HOOK3: variants seen among roughly 807,000 people sequenced by gnomAD.
HOOK3 encodes the protein hook microtubule tethering protein 3, also known as protein Hook homolog 3.
In HOOK3, 24 loss-of-function variants were observed where a neutral mutation model predicts 116.3. The observed-to-expected ratio is 0.21, with a 90% CI of 0.15 to 0.29. HOOK3 has a LOEUF of 0.29. Among genes scored for constraint, HOOK3 ranks in the 10% least tolerant of loss-of-function variants. The pLI is 1.00. For missense variants in HOOK3, 632 were observed against 830.2 expected, an observed-to-expected ratio of 0.76 and a Z score of 2.93; for synonymous variants, 275 against 283.0, an observed-to-expected ratio of 0.97 and a Z score of 0.28.
intron 14 of HOOK3, among the ~76,000 whole-genome samples, chr8:42,983,166 C>T (rs948970863): frequency 1.3e-5 from 2 of 152,004 alleles, no homozygotes; most frequent in East Asian, 1.9e-4. Context: ...AACCCTGTCT[C>T]TACAAAAAAT....
chr8:43,015,850 TG>T, intron 21 of HOOK3, among the ~76,000 whole-genome samples: 1 of 151,958 alleles, frequency 6.6e-6, no homozygotes, highest in Non-Finnish European at 1.5e-5. Context: ...CCCGAGTAAC[TG>T]GGGTTACAGG....
intron 2 of HOOK3, among the ~76,000 whole-genome samples, chr8:42,919,482 C>T (rs1420476472): frequency 2.0e-5 from 3 of 151,578 alleles, no homozygotes; most frequent in Admixed American, 6.6e-5. Context: ...CAGAGGGGCT[C>T]CTCACATCCC....
At chr8:42,909,299 G>C (rs1807376886) in intron 2 of HOOK3, among the ~76,000 whole-genome samples, 1 of 152,202 alleles carries the variant, frequency 6.6e-6, no homozygotes, top group Non-Finnish European at 1.5e-5. Context: ...TGTGTATATA[G>C]CCAAAGGATT....
rs1563316931 is a variant in HOOK3 at position 43,022,087 on chromosome 8, A to T, written c.*3589A>T. ...TTTAAAAACAAAACAGGCTGTTGTA[A>T]AAAAAAAAAAAAAAAAAACTTCTGA... is the stretch of plus-strand genomic sequence containing the variant. On this transcript the variant is annotated 3_prime_UTR_variant, in exon 22 of 22. Transcript: ENST00000307602. 6.1e-6 allele frequency: 1 copy of T among 163,148 alleles called. No homozygotes were observed. The highest frequency in any genetic ancestry group is 1.3e-5 in the Non-Finnish European group (1 of 76,950). 10.1% of individuals were successfully genotyped at this position (163,148 alleles called of 1,614,324 possible). A position where few individuals can be genotyped will look rare whatever the true frequency, so the allele number is the denominator to read the frequency against.
chr8:42,907,000 C>T (rs1400472846), intron 2 of HOOK3, among the ~76,000 whole-genome samples: 1 of 152,152 alleles, frequency 6.6e-6, no homozygotes, highest in Non-Finnish European at 1.5e-5. Context: ...CCCAATTCTT[C>T]TGAGTACTTT....
intron 4 of HOOK3, among the ~76,000 whole-genome samples, chr8:42,942,338 T>A (rs1056170402): frequency 6.6e-6 from 1 of 152,188 alleles, no homozygotes; most frequent in Non-Finnish European, 1.5e-5. Context: ...AAATGTGCAT[T>A]CAGAAAAGCA....
intron 4 of HOOK3, among the ~76,000 whole-genome samples, chr8:42,938,452 T>G (rs1808020128): frequency 6.6e-6 from 1 of 152,138 alleles, no homozygotes; most frequent in South Asian, 2.1e-4. Flanking sequence ...CTAGTGGTTA[T>G]TTTGCCTATT....
At chr8:43,016,048 C>A (rs2130494300) in intron 21 of HOOK3, among the ~76,000 whole-genome samples, 1 of 151,576 alleles carries the variant, frequency 6.6e-6, no homozygotes. Flanking sequence ...ATTTTTATGA[C>A]TTCACATATT....
chr8:42,936,858 T>A lies in HOOK3; in HGVS notation c.268-6455T>A, dbSNP rs1459843850. On this transcript the variant is annotated intron_variant, in intron 4 of 21. Transcript: ENST00000307602. ...ATATTGGCCTGAAATTTTCTTTTTT[T>A]CTTGTGTCTCTGTCAGGTTTTGGTG... 3.3e-5 allele frequency among the ~76,000 whole-genome samples: 5 copies of A among 152,184 alleles called. No homozygotes were observed. In the East Asian group the frequency reaches 7.7e-4, roughly 23 times the overall value.
At chr8:42,916,990 G>A (rs1807545585) in intron 2 of HOOK3, among the ~76,000 whole-genome samples, 2 of 152,164 alleles carry the variant, frequency 1.3e-5, no homozygotes, top group South Asian at 4.1e-4. Context: ...AGTGCCAAAA[G>A]ACAGCTAGTT....
chr8:43,023,417 CCTTCCCTTCTTTT>C lies in HOOK3; in HGVS notation c.*4923_*4935del, dbSNP rs1157798416. ...TCCTTCCTTCCTTCCTTCCTTCCTTCCTTCCCTTCTTTTCTTTTTTCTTTTCTTTTCTTTTCTC... is the reference window on the plus strand; with the variant it reads ...TCCTTCCTTCCTTCCTTCCTTCCTTCCTTTTTTCTTTTCTTTTCTTTTCTC... On this transcript the variant is annotated 3_prime_UTR_variant, in exon 22 of 22. Transcript: ENST00000307602. 6 of 166,764 alleles carry C rather than the reference CCTTCCCTTCTTTT, an allele frequency of 3.6e-5. No individual in the cohort carries two copies. The Admixed American group carries it at 4.0e-4, about 11-fold the overall frequency. 10.3% of individuals were successfully genotyped at this position (166,764 alleles called of 1,614,324 possible). A position where few individuals can be genotyped will look rare whatever the true frequency, so the allele number is the denominator to read the frequency against.
At chr8:42,925,515 A>G (rs773594780) in intron 2 of HOOK3, 42 bp from the exon 3 acceptor site, 2 of 1,305,732 alleles carry the variant, frequency 1.5e-6, no homozygotes, top group Non-Finnish European at 2.2e-6. Context: ...TTAGCTTGAT[A>G]GCTACATGAT....
intron 2 of HOOK3, among the ~76,000 whole-genome samples, chr8:42,910,155 C>T (rs1807394689): frequency 6.6e-6 from 1 of 152,210 alleles, no homozygotes; most frequent in South Asian, 2.1e-4. Flanking sequence ...ACATTGTATA[C>T]GATATCATAA....
At chr8:42,904,808 C>T (rs916648212) in intron 1 of HOOK3, among the ~76,000 whole-genome samples, 2 of 152,214 alleles carry the variant, frequency 1.3e-5, no homozygotes, top group Non-Finnish European at 2.9e-5. Flanking sequence ...CCTACTCGAT[C>T]TGTACCAAGC....
intron 12 of HOOK3, 90 bp downstream of exon 12, chr8:42,973,489 T>G: frequency 1.3e-6 from 1 of 774,082 alleles, no homozygotes; most frequent in Non-Finnish European, 1.9e-6. Flanking sequence ...TTCATTTAAG[T>G]TATGAATTTA....
chr8:42,951,306 C>T (rs1295602139), intron 6 of HOOK3, among the ~76,000 whole-genome samples: 1 of 151,910 alleles, frequency 6.6e-6, no homozygotes, highest in African/African-American at 2.4e-5. Context: ...AGGTGATCCG[C>T]CCTCCCCAGC....
At chr8:42,941,935 G>T (rs1808135930) in intron 4 of HOOK3, among the ~76,000 whole-genome samples, 1 of 152,138 alleles carries the variant, frequency 6.6e-6, no homozygotes, top group South Asian at 2.1e-4. Flanking sequence ...TTTTGACTTA[G>T]CATAGAGGGC....
chr8:42,943,434 A>G lies in HOOK3; in HGVS notation c.389A>G (p.Glu130Gly). ...QLILGCAVNC[E>G]QKQEYIQAIM... The stretch of plus-strand genomic sequence containing the variant: ...ATCTTAGGCTGTGCTGTGAACTGTG[A>G]ACAGAAGCAAGGTAATTTGTTTCAA... Residue 130 changes from glutamate (E) to glycine (G), a missense_variant, in exon 5 of 22, where the codon GAA becomes GGA. By Grantham distance (98) the Glu-to-Gly change is moderately conservative. Around this residue, in one of 3 missense-constraint regions of HOOK3, gnomAD observed 141 missense variants for 150.8 expected, o/e 0.93. Transcript: ENST00000307602. 6.8e-7 allele frequency: 1 copy of G among 1,466,350 alleles called. No individual in the cohort carries two copies. The highest frequency in any genetic ancestry group is 2.4e-5 in the Admixed American group (1 of 42,480). 90.8% of individuals were successfully genotyped at this position (1,466,350 alleles called of 1,614,324 possible).
chr8:42,950,095 T>G (rs1304374068), intron 5 of HOOK3, among the ~76,000 whole-genome samples: 1 of 152,176 alleles, frequency 6.6e-6, no homozygotes. Flanking sequence ...GTTTCAGGCT[T>G]TACCATTTCA....
Sources: gnomAD v4.1 joint callset for allele counts (sites outside exome capture counted in the v4.1 genomes callset) on GRCh38, gnomAD v4.1.1 for gene constraint, gnomAD v4.1.1 regional missense constraint, MANE v1.5 for transcripts, NCBI Gene and HGNC (gene_info 2026-07-23, HGNC 2026-07-21) for gene names.